The following TNFRSF8 variants were observed in gnomAD, a reference collection of about 807,000 sequenced individuals.
The protein encoded by TNFRSF8 is TNF receptor superfamily member 8.
TNFRSF8 carries 26 observed loss-of-function variants against 70.8 expected under a neutral mutation model. That is an observed-to-expected ratio of 0.37 (90% CI 0.27 to 0.51). The LOEUF (loss-of-function observed/expected upper bound fraction) is 0.51, where lower values mean the gene tolerates loss of function less well. Ranked by LOEUF, TNFRSF8 falls within the 20% of genes least tolerant of loss-of-function variation. The pLI is 0.94. For synonymous variants in TNFRSF8, 356 were observed against 339.2 expected (o/e 1.05, Z -0.54); for missense variants, 720 against 807.9 (o/e 0.89, Z 1.32).
chr1:12,080,333 C>A, intron 1 of TNFRSF8: 1 of 524,094 alleles, frequency 1.9e-6, no homozygotes, highest in Non-Finnish European at 3.8e-6. Flanking sequence ...TCCATCCGGC[C>A]GAATCAGGGT....
chr1:12,098,125 T>C (rs912758312), intron 3 of TNFRSF8, among the ~76,000 whole-genome samples: 2 of 152,218 alleles, frequency 1.3e-5, no homozygotes, highest in Non-Finnish European at 2.9e-5. Flanking sequence ...TTTATCCACA[T>C]GAATATACCT....
In TNFRSF8 at chr1:12,143,094, T is replaced by G; in HGVS notation, c.*563T>G. ...AGGGAAGTCGAGGGATGGGGCGTCG[T>G]CAGCTGGCACTGTCTCTGCTGCAGC... On this transcript the variant is annotated 3_prime_UTR_variant, in exon 15 of 15. Transcript: ENST00000263932. This position sits in a 1 kb window ranked among gnomAD's most constrained non-coding sequence, Gnocchi z 4.1. The G allele has an allele frequency of 6.4e-6, 1 of 155,150 alleles. No homozygotes were observed. Among genetic ancestry groups the G allele is most frequent in the Non-Finnish European group, 1.4e-5 (1 of 69,752 alleles). The allele number at this position is 155,150 out of a possible 1,614,324, so 9.6% of individuals were successfully genotyped here.
rs1642188714 is a variant in TNFRSF8, at chr1:12,138,357, C to T, written c.1464C>T (p.Ala488=). 6.2e-7 allele frequency: 1 copy of T among 1,613,612 alleles called. No homozygotes were observed. The part of the protein sequence containing the change: ...AYLESLPLQD[A]SPAGGPSSPR... ...TGGAGAGCCTGCCGCTGCAGGATGC[C>T]AGCCCGGCCGGGGGCCCCTCGTCCC... The change falls in exon 14 of 15, where the codon GCC becomes GCT. Residue 488 remains alanine, a synonymous_variant. Coordinates refer to ENST00000263932, the MANE Select transcript of TNFRSF8 (RefSeq NM_001243.5). The surrounding 1 kb of genome is among the most constrained non-coding windows in gnomAD (Gnocchi z 5.7).
chr1:12,125,640 A>G (rs1227183879), intron 10 of TNFRSF8, among the ~76,000 whole-genome samples: 1 of 152,152 alleles, frequency 6.6e-6, no homozygotes, highest in African/African-American at 2.4e-5. Flanking sequence ...TGCCGGTCAC[A>G]CCGGGCCCTC....
intron 1 of TNFRSF8, among the ~76,000 whole-genome samples, chr1:12,067,912 G>GC (rs1640771059): frequency 7.7e-6 from 1 of 130,124 alleles, no homozygotes; most frequent in Non-Finnish European, 1.6e-5. Flanking sequence ...GCGGGGGGGG[G>GC]ACCTGGAGAG....
At chr1:12,071,812 C>G (rs1213457312) in intron 1 of TNFRSF8, among the ~76,000 whole-genome samples, 1 of 152,076 alleles carries the variant, frequency 6.6e-6, no homozygotes, top group African/African-American at 2.4e-5. Flanking sequence ...ATCCACCTGC[C>G]TTGGCCTCCC....
chr1:12,135,442 C>G lies in TNFRSF8; in HGVS notation c.1310-146C>G, dbSNP rs944318161. 3.1e-5 allele frequency: 34 copies of G among 1,100,954 alleles called. No homozygotes were observed. The South Asian group carries it at 5.0e-4, about 16-fold the overall frequency. The allele number at this position is 1,100,954 out of a possible 1,614,324, so 68.2% of individuals were successfully genotyped here. A position where few individuals can be genotyped will look rare whatever the true frequency, so the allele number is the denominator to read the frequency against. ...GGTGGGCACTGACTCTGAAACCCAT[C>G]GAGGGCTCTCCAGACTGAGGACCTG... On this transcript the variant is annotated intron_variant, in intron 12 of 14. Transcript: ENST00000263932.
chr1:12,088,642 T>C lies in TNFRSF8; in HGVS notation c.151+4091T>C, dbSNP rs1641194832. ...AGGAAGGGGTCTCTCCTGCAGATGT[T>C]TGAGGCCTGCCCAGGTTCAGGGGAA... On this transcript the variant is annotated intron_variant, in intron 2 of 14. Transcript: ENST00000263932. The surrounding 1 kb of genome is among the most constrained non-coding windows in gnomAD (Gnocchi z 4.0). 6.6e-6 allele frequency among the ~76,000 whole-genome samples: 1 copy of C among 152,204 alleles called. No homozygotes were observed. The highest frequency in any genetic ancestry group is 2.4e-5 in the African/African-American group (1 of 41,460).
At chr1:12,096,127 A>C (rs1482619203) in intron 2 of TNFRSF8, among the ~76,000 whole-genome samples, 2 of 152,202 alleles carry the variant, frequency 1.3e-5, no homozygotes, top group Admixed American at 6.5e-5. Flanking sequence ...AGTGGTGAGG[A>C]ACATGGAGTA....
chr1:12,120,748 C>T (rs501525), intron 8 of TNFRSF8, among the ~76,000 whole-genome samples: 96,317 of 151,998 alleles, frequency 0.63, 31,371 homozygotes, highest in African/African-American at 0.78. Context: ...ACAGGCAGAC[C>T]AACTAGGGGC....
Position 12,110,019 on chromosome 1 carries a change from C to T in TNFRSF8, c.513-22C>T, listed in dbSNP as rs1641598890. ...TGCCCCATTGGCAGAATTATCAGTC[C>T]CATCTCTGGCTTCTTCCCCAGTGGC... On this transcript the variant is annotated intron_variant, in intron 5 of 14. Coordinates refer to ENST00000263932, the MANE Select transcript of TNFRSF8 (RefSeq NM_001243.5). The surrounding 1 kb of genome is among the most constrained non-coding windows in gnomAD (Gnocchi z 4.0). 1 of 1,609,642 alleles carries T rather than the reference C, an allele frequency of 6.2e-7. No homozygotes were observed.
At chr1:12,118,164 G>A (rs1014840430) in intron 8 of TNFRSF8, among the ~76,000 whole-genome samples, 10 of 150,020 alleles carry the variant, frequency 6.7e-5, no homozygotes, top group African/African-American at 1.2e-4. Flanking sequence ...AGGCTGGAGT[G>A]CAGTGGTATG....
At chr1:12,131,922 T>C (rs1328904778) in intron 12 of TNFRSF8, among the ~76,000 whole-genome samples, 1 of 151,806 alleles carries the variant, frequency 6.6e-6, no homozygotes, top group African/African-American at 2.4e-5. Flanking sequence ...GCCTCCCGAG[T>C]AGCTGGGATT....
intron 12 of TNFRSF8, among the ~76,000 whole-genome samples, chr1:12,134,796 C>T (rs1448115497): frequency 6.6e-6 from 1 of 152,184 alleles, no homozygotes; most frequent in Non-Finnish European, 1.5e-5. Flanking sequence ...CCATGACCTG[C>T]CTTGAGGTCC....
At chr1:12,099,732 G>A (rs748116582) in intron 3 of TNFRSF8, among the ~76,000 whole-genome samples, 2 of 151,250 alleles carry the variant, frequency 1.3e-5, no homozygotes, top group Non-Finnish European at 2.9e-5. Flanking sequence ...ACATGATGTA[G>A]CCTACTGCAC....
chr1:12,086,949 C>T (rs1040385673), intron 2 of TNFRSF8, among the ~76,000 whole-genome samples: 3 of 152,018 alleles, frequency 2.0e-5, no homozygotes. Flanking sequence ...AACATATGAA[C>T]TTTGTGGGGG....
Position 12,063,676 on chromosome 1 carries a change from G to A in TNFRSF8, c.63+15G>A. 2.4e-6 allele frequency: 3 copies of A among 1,268,800 alleles called. No individual in the cohort carries two copies. Among genetic ancestry groups the A allele is most frequent in the Non-Finnish European group, 3.0e-6 (3 of 998,134 alleles). The allele number at this position is 1,268,800 out of a possible 1,614,324, so 78.6% of individuals were successfully genotyped here. On this transcript the variant is annotated intron_variant, in intron 1 of 14. Transcript: ENST00000263932. The surrounding 1 kb of genome is among the most constrained non-coding windows in gnomAD (Gnocchi z 7.2). ...CCTTCCCACAGGTAAGCGGGTGACG[G>A]GCGCCTGGGGAGGTGCCGGCGGTCC...
In TNFRSF8 at chr1:12,141,967, C is replaced by T. The variant is rs144998485; in HGVS notation, c.1544-320C>T. 1.3e-5 allele frequency among the ~76,000 whole-genome samples: 2 copies of T among 152,270 alleles called. No individual in the cohort carries two copies. The highest frequency in any genetic ancestry group is 2.9e-5 in the Non-Finnish European group (2 of 68,014). ...CTGTTTCTGCTCGTGCTCTGGTTAC[C>T]CACGGCTTTGCCTGTTTTTGTCCAC... On this transcript the variant is annotated intron_variant, in intron 14 of 14. Coordinates refer to ENST00000263932, the MANE Select transcript of TNFRSF8 (RefSeq NM_001243.5). The surrounding 1 kb of genome is among the most constrained non-coding windows in gnomAD (Gnocchi z 5.4).
intron 2 of TNFRSF8, among the ~76,000 whole-genome samples, chr1:12,090,017 C>T (rs1041732973): frequency 6.6e-6 from 1 of 151,024 alleles, no homozygotes; most frequent in African/African-American, 2.4e-5. Context: ...ATCTACCCAC[C>T]CATCCACCTT....
Sources: gnomAD v4.1 joint callset for allele counts (sites outside exome capture counted in the v4.1 genomes callset) on GRCh38, gnomAD v4.1.1 for gene constraint, Gnocchi (gnomAD v3.1) non-coding constraint, MANE v1.5 for transcripts, NCBI Gene and HGNC (gene_info 2026-07-23, HGNC 2026-07-21) for gene names.